Variants in MAGED1 observed in about 807,000 individuals in gnomAD.
MAGED1 encodes the protein MAGE family member D1, also known as melanoma-associated antigen D1.
Under a neutral mutation model 54.1 loss-of-function variants are expected in MAGED1, and 3 were observed. The observed-to-expected ratio is 0.06, with a 90% CI of 0.03 to 0.14. MAGED1 has a LOEUF of 0.14. Among genes scored for constraint, MAGED1 ranks in the 10% least tolerant of loss-of-function variants. MAGED1 has a pLI of 1.00. For synonymous variants in MAGED1, 217 were observed against 227.3 expected (o/e 0.95, Z 0.41); for missense variants, 485 against 623.4 (o/e 0.78, Z 2.36).
chrX:51,815,525 T>A (rs1420009535), intron 1 of MAGED1, among the ~76,000 whole-genome samples: 1 of 99,902 alleles, frequency 1.0e-5, no homozygotes, highest in East Asian at 3.0e-4. Flanking sequence ...AGCTGTATAA[T>A]TTTTTTTTTT....
At chrX:51,805,778 T>C (rs1439831985) in intron 1 of MAGED1, among the ~76,000 whole-genome samples, 1 of 109,094 alleles carries the variant, frequency 9.2e-6, no homozygotes, top group African/African-American at 3.3e-5. Flanking sequence ...TCTTTCTCCA[T>C]GCATCCATCC....
intron 1 of MAGED1, among the ~76,000 whole-genome samples, chrX:51,865,961 CCTT>C (rs782402529): frequency 8.9e-6 from 1 of 112,038 alleles, no homozygotes; most frequent in African/African-American, 3.2e-5. Context: ...TTCACTTTCA[CCTT>C]CTGCCATGAT....
chrX:51,822,314 A>G (rs944567492), intron 1 of MAGED1, among the ~76,000 whole-genome samples: 7 of 111,328 alleles, frequency 6.3e-5, no homozygotes, highest in African/African-American at 2.3e-4. Context: ...ATTTAAGTTA[A>G]TCTGATTTTT....
intron 1 of MAGED1, among the ~76,000 whole-genome samples, chrX:51,875,827 C>T (rs984902013): frequency 9.0e-6 from 1 of 111,675 alleles, no homozygotes; most frequent in South Asian, 3.8e-4. Context: ...ACTCTAACCA[C>T]AAGGAACTTC....
rs1366744371 is a variant in MAGED1 at position 51,819,907 on chromosome X, C to T, written c.-37+16790C>T. On this transcript the variant is annotated intron_variant, in intron 1 of 12. Transcript: ENST00000375772. ...TCACAGTGATTTACACCTATGCTTT[C>T]TTCTGTGAGTTTTATAATTTTAGCT... Among the ~76,000 whole-genome samples the T allele has an allele frequency of 2.7e-5, 3 of 111,816 alleles. No homozygotes were observed. The East Asian group carries it at 8.5e-4, about 32-fold the overall frequency.
At chrX:51,867,604 G>A (rs1174616370) in intron 1 of MAGED1, among the ~76,000 whole-genome samples, 1 of 111,771 alleles carries the variant, frequency 8.9e-6, no homozygotes, top group Admixed American at 9.5e-5. Context: ...GCCTTCCCCA[G>A]CCCGCTGACT....
At position 51,835,372 on chromosome X, in the gene MAGED1, A is replaced by G. The variant is rs145146095; in HGVS notation, c.-37+32255A>G. On this transcript the variant is annotated intron_variant, in intron 1 of 12. Coordinates refer to the MAGED1 transcript ENST00000375772. ...GAATATCTCATGTAATTTATTGAAT[A>G]CTGTGCTGAAAGTGAAAAGCAGAAT... Among the ~76,000 whole-genome samples the G allele has an allele frequency of 3.5e-3, 390 of 110,906 alleles. 4 individuals carry two copies. Among genetic ancestry groups the G allele is most frequent in the Non-Finnish European group, 4.9e-3 (261 of 52,967 alleles).
At chrX:51,833,971 CT>C in intron 1 of MAGED1, among the ~76,000 whole-genome samples, 1 of 111,368 alleles carries the variant, frequency 9.0e-6, no homozygotes, top group Non-Finnish European at 1.9e-5. Flanking sequence ...GATTTTCCTA[CT>C]TATATAAATA....
intron 1 of MAGED1, among the ~76,000 whole-genome samples, chrX:51,803,522 C>G (rs1172853710): frequency 9.2e-6 from 1 of 108,910 alleles, no homozygotes; most frequent in Non-Finnish European, 1.9e-5. Flanking sequence ...CCTTCCTACC[C>G]TCTGTTTTAC....
Position 51,895,285 on chromosome X carries a change from A to T in MAGED1, c.278A>T (p.Asp93Val). ...ATTKGPNGVY[D>V]FSQAHNAKDV... Reference sequence around the variant, plus strand: ...ACAAAAGGCCCAAATGGTGTCTATGATTTCTCTCAGGCTCATAATGCCAAG... The same window carrying T: ...ACAAAAGGCCCAAATGGTGTCTATGTTTTCTCTCAGGCTCATAATGCCAAG... The change falls in exon 3 of 13, where the codon GAT becomes GTT. Residue 93 changes from aspartate to valine, a missense_variant. Coordinates refer to ENST00000326587, the MANE Select transcript of MAGED1 (RefSeq NM_006986.4). The T allele has an allele frequency of 8.3e-7, 1 of 1,211,095 alleles. No individual in the cohort carries two copies. The highest frequency in any genetic ancestry group is 1.1e-6 in the Non-Finnish European group (1 of 895,188).
intron 1 of MAGED1, among the ~76,000 whole-genome samples, chrX:51,848,297 T>C (rs781872540): frequency 3.0e-4 from 34 of 111,882 alleles, no homozygotes; most frequent in African/African-American, 1.1e-3. Flanking sequence ...CAGTTTATAA[T>C]ATCTTCTAGT....
At chrX:51,831,902 T>A (rs1198834732) in intron 1 of MAGED1, among the ~76,000 whole-genome samples, 1 of 111,801 alleles carries the variant, frequency 8.9e-6, no homozygotes, top group Non-Finnish European at 1.9e-5. Context: ...GGCTATATAA[T>A]AGTTGTATAT....
At chrX:51,839,598 C>T (rs1454533059) in intron 1 of MAGED1, among the ~76,000 whole-genome samples, 1 of 112,051 alleles carries the variant, frequency 8.9e-6, no homozygotes, top group African/African-American at 3.2e-5. Context: ...TTTAAGCTTG[C>T]ATTTTTTTCT....
chrX:51,875,174 C>A (rs1557361898), intron 1 of MAGED1, among the ~76,000 whole-genome samples: 1 of 109,642 alleles, frequency 9.1e-6, no homozygotes, highest in South Asian at 4.0e-4. Context: ...CCCTTTAATC[C>A]TTTCAGGTGA....
Position 51,829,335 on chromosome X carries a change from G to A in MAGED1, c.-37+26218G>A, listed in dbSNP as rs782351514. Among the ~76,000 whole-genome samples the A allele has an allele frequency of 2.5e-4, 28 of 109,982 alleles. 1 individual carries two copies. In the South Asian group the frequency reaches 0.01, roughly 41 times the overall value. On this transcript the variant is annotated intron_variant, in intron 1 of 12. Transcript: ENST00000375772. ...TTTGTGTATGTGTGTGTGTGTGTGT[G>A]TATATGTATATATATGTGAAATTAG...
At chrX:51,831,552 G>T (rs1244180989) in intron 1 of MAGED1, among the ~76,000 whole-genome samples, 1 of 111,962 alleles carries the variant, frequency 8.9e-6, no homozygotes, top group Non-Finnish European at 1.9e-5. Flanking sequence ...AGTGAAGGCT[G>T]CAGTGAGCTG....
In MAGED1 at chrX:51,896,518, C is replaced by A. The variant is rs782412901; in HGVS notation, c.863C>A (p.Pro288His). The change falls in exon 4 of 13, where the codon CCT (proline) becomes CAT (histidine). Residue 288 changes from proline to histidine, a missense_variant. By Grantham distance (77) the Pro-to-His change is moderately conservative. This residue lies in a region of MAGED1 where 299 missense variants were observed against 293.1 expected (regional missense o/e 1.02). Coordinates refer to ENST00000326587, the MANE Select transcript of MAGED1 (RefSeq NM_006986.4). The stretch of plus-strand genomic sequence containing the variant: ...GTTCCAGTGACCACTCAGAACCCAC[C>A]TGGCGCACCCCCCAATGTGCTCTGG... ...APVPVTTQNP[P>H]GAPPNVLWQT... The A allele has an allele frequency of 5.0e-6, 6 of 1,211,977 alleles. No individual in the cohort carries two copies. Among genetic ancestry groups the A allele is most frequent in the Non-Finnish European group, 6.7e-6 (6 of 895,500 alleles).
intron 1 of MAGED1, among the ~76,000 whole-genome samples, chrX:51,823,053 G>T (rs1569555515): frequency 8.9e-6 from 1 of 111,854 alleles, no homozygotes; most frequent in Non-Finnish European, 1.9e-5. Context: ...CCGTTTTATG[G>T]AGACTTGTTT....
intron 1 of MAGED1, among the ~76,000 whole-genome samples, chrX:51,846,285 G>A (rs1926686044): frequency 8.9e-6 from 1 of 111,819 alleles, no homozygotes; most frequent in Non-Finnish European, 1.9e-5. Flanking sequence ...CCTTATAAGG[G>A]AGGCAGGAGA....
Sources: gnomAD v4.1 joint callset for allele counts (sites outside exome capture counted in the v4.1 genomes callset) on GRCh38, gnomAD v4.1.1 for gene constraint, gnomAD v4.1.1 regional missense constraint, MANE v1.5 for transcripts, NCBI Gene and HGNC (gene_info 2026-07-23, HGNC 2026-07-21) for gene names.